The following PCDHA8 variants were observed in gnomAD, a reference collection of about 807,000 sequenced individuals.
PCDHA8 encodes the protein protocadherin alpha-8.
Under a neutral mutation model 61.8 loss-of-function variants are expected in PCDHA8, and 53 were observed. That is an observed-to-expected ratio of 0.86 (90% CI 0.69 to 1.08). The LOEUF (loss-of-function observed/expected upper bound fraction) is 1.08, where lower values mean the gene tolerates loss of function less well. Among genes scored for constraint, PCDHA8 ranks in the 50% least tolerant of loss-of-function variants. The pLI, the probability that PCDHA8 is intolerant of heterozygous loss-of-function variation, is 0.00. For missense variants in PCDHA8, 1,293 were observed against 1,245.0 expected (o/e 1.04, Z -0.58); for synonymous variants, 618 against 556.6 (o/e 1.11, Z -1.55).
chr5:140,920,400 T>C (rs1185930806), intron 1 of PCDHA8, among the ~76,000 whole-genome samples: 1 of 152,244 alleles, frequency 6.6e-6, no homozygotes, highest in Non-Finnish European at 1.5e-5. Context: ...TGGTGTCTTT[T>C]TTTAATCAGA....
intron 1 of PCDHA8, chr5:140,883,930 C>A: frequency 2.5e-6 from 4 of 1,613,066 alleles, no homozygotes; most frequent in Non-Finnish European, 3.4e-6. Flanking sequence ...TGCAGGTGTT[C>A]GTGCTGGACG....
Position 140,851,530 on chromosome 5 carries a change from A to AT in PCDHA8, c.2394+7816dup, listed in dbSNP as rs746126939. ...AAAATATGTTTTAAAATGCCTGACA[A>AT]TGTAGATAATTCAAGAAATGTTGAC... is the stretch of plus-strand genomic sequence containing the variant. On this transcript the variant is annotated intron_variant, in intron 1 of 3. Transcript: ENST00000531613. 7.7e-4 allele frequency: 698 copies of AT among 902,810 alleles called. 38 individuals are homozygous for AT. The highest frequency in any genetic ancestry group is 9.1e-4 in the Non-Finnish European group (671 of 740,872). 55.9% of individuals were successfully genotyped at this position (902,810 alleles called of 1,614,324 possible).
chr5:140,992,676 G>A (rs2097524186), intron 3 of PCDHA8, among the ~76,000 whole-genome samples: 1 of 152,146 alleles, frequency 6.6e-6, no homozygotes, highest in African/African-American at 2.4e-5. Flanking sequence ...GTATGTGTGT[G>A]TTAGGGGTTG....
chr5:140,877,095 C>G, intron 1 of PCDHA8: 1 of 1,613,330 alleles, frequency 6.2e-7, no homozygotes, highest in Admixed American at 1.7e-5. Flanking sequence ...GCGACGCCGG[C>G]GTGCCGCCTC....
chr5:140,844,162 T>C (rs1328391429), intron 1 of PCDHA8, among the ~76,000 whole-genome samples: 8 of 149,794 alleles, frequency 5.3e-5, no homozygotes, highest in Non-Finnish European at 1.0e-4. Context: ...TTTTATTCAC[T>C]TTAAGATCTC....
chr5:140,994,263 C>G (rs1329526022), intron 3 of PCDHA8, among the ~76,000 whole-genome samples: 1 of 152,160 alleles, frequency 6.6e-6, no homozygotes, highest in African/African-American at 2.4e-5. Flanking sequence ...ATAAGGTAAG[C>G]TAGGCTGCCT....
intron 1 of PCDHA8, among the ~76,000 whole-genome samples, chr5:140,941,214 CCTTTCTTTCTTTCTTT>C (rs60032403): frequency 8.2e-6 from 1 of 122,414 alleles, no homozygotes; most frequent in East Asian, 2.3e-4. Context: ...TTTCTTTCTT[CCTTTCTTTCTTTCTTT>C]CTTTCTTTCT....
chr5:140,876,976 C>A (rs782283591), intron 1 of PCDHA8: 2 of 1,612,586 alleles, frequency 1.2e-6, no homozygotes, highest in Admixed American at 1.7e-5. Context: ...GGTGGGCGAG[C>A]ACGCACTGTC....
chr5:140,928,955 T>A, intron 1 of PCDHA8: 1 of 1,614,024 alleles, frequency 6.2e-7, no homozygotes, highest in Middle Eastern at 1.6e-4. Context: ...GTAATTGCCT[T>A]GGCTTGTATT....
intron 1 of PCDHA8, among the ~76,000 whole-genome samples, chr5:140,905,764 A>G (rs2072069491): frequency 6.6e-6 from 1 of 152,144 alleles, no homozygotes; most frequent in African/African-American, 2.4e-5. Flanking sequence ...TTGGTTAAGT[A>G]TATTCCGAAG....
chr5:141,009,892 G>GTTT lies in PCDHA8; in HGVS notation c.2808_2809insTTT (p.Glu936_Lys937insPhe). 6.2e-7 allele frequency: 1 copy of GTTT among 1,612,140 alleles called. No individual in the cohort carries two copies. Among genetic ancestry groups the GTTT allele is most frequent in the Non-Finnish European group, 8.5e-7 (1 of 1,179,578 alleles). ...AGAAGAAGGGTAACAAGACCCAGGAGAAAAAAGAGAAAGGGAACAGCACGA... is the reference window on the plus strand; with the variant it reads ...AGAAGAAGGGTAACAAGACCCAGGAGTTTAAAAAAGAGAAAGGGAACAGCACGA... On this transcript the variant is annotated inframe_insertion, in exon 4 of 4. Transcript: ENST00000531613.
intron 1 of PCDHA8, chr5:140,877,301 A>G: frequency 1.2e-6 from 2 of 1,613,876 alleles, no homozygotes. Context: ...CTGTCCTACG[A>G]GTTGCAACCG....
chr5:140,869,010 T>C (rs919333995), intron 1 of PCDHA8: 3 of 1,523,768 alleles, frequency 2.0e-6, no homozygotes, highest in African/African-American at 2.8e-5. Flanking sequence ...CCTTTGAAAC[T>C]TCTTAAGAAT....
chr5:141,006,769 A>G (rs575481848), intron 3 of PCDHA8, among the ~76,000 whole-genome samples: 1 of 152,208 alleles, frequency 6.6e-6, no homozygotes, highest in Non-Finnish European at 1.5e-5. Flanking sequence ...AGAATAGAAT[A>G]GAGAAAAATG....
Position 140,974,189 on chromosome 5 carries a change from G to T in PCDHA8, c.2395-4760G>T, listed in dbSNP as rs146863475. On this transcript the variant is annotated intron_variant, in intron 1 of 3. Transcript: ENST00000531613. ...AGAATTTTAACTTGACAAATGCAAA[G>T]GAATATCCAACATTGCAAAGGTAAA... Among the ~76,000 whole-genome samples the T allele has an allele frequency of 7.6e-3, 1,163 of 152,258 alleles. 4 individuals carry two copies. The highest frequency in any genetic ancestry group is 0.014 in the Middle Eastern group (4 of 294).
At chr5:140,968,729 A>G (rs1563381706) in intron 1 of PCDHA8, 1 of 1,614,134 alleles carries the variant, frequency 6.2e-7, no homozygotes, top group Non-Finnish European at 8.5e-7. Flanking sequence ...GAGTGGTAGC[A>G]CTTTCAACCT....
chr5:140,917,806 A>G (rs921651411), intron 1 of PCDHA8, among the ~76,000 whole-genome samples: 45 of 151,888 alleles, frequency 3.0e-4, no homozygotes, highest in Admixed American at 2.9e-3. Context: ...GCCTTGCAGT[A>G]TAGTTGAAGT....
intron 1 of PCDHA8, chr5:140,966,863 C>T: frequency 6.4e-7 from 1 of 1,562,680 alleles, no homozygotes; most frequent in East Asian, 2.3e-5. Flanking sequence ...GCTGCTGTTG[C>T]TGCTGCTGCT....
In PCDHA8 at chr5:140,853,642, T is replaced by C. The variant is rs112112795; in HGVS notation, c.2394+9927T>C. 87 of 988,768 alleles carry C rather than the reference T, an allele frequency of 8.8e-5. 2 individuals carry two copies. Among genetic ancestry groups the C allele is most frequent in the Middle Eastern group, 1.1e-3 (2 of 1,882 alleles). 61.2% of individuals were successfully genotyped at this position (988,768 alleles called of 1,614,324 possible). A position where few individuals can be genotyped will look rare whatever the true frequency, so the allele number is the denominator to read the frequency against. ...AAGTATACAAGATCACAGACCTAAA[T>C]TGAGCCTGTTCCAGACAAATTGGGG... On this transcript the variant is annotated intron_variant, in intron 1 of 3. Coordinates refer to ENST00000531613, the MANE Select transcript of PCDHA8 (RefSeq NM_018911.3).
Sources: gnomAD v4.1 joint callset for allele counts (sites outside exome capture counted in the v4.1 genomes callset) on GRCh38, gnomAD v4.1.1 for gene constraint, MANE v1.5 for transcripts, NCBI Gene and HGNC (gene_info 2026-07-23, HGNC 2026-07-21) for gene names.